The following PTPRJ variants were observed in gnomAD, a reference collection of about 807,000 sequenced individuals.
The protein encoded by PTPRJ is protein tyrosine phosphatase receptor type J.
Under a neutral mutation model 141.3 loss-of-function variants are expected in PTPRJ, and 129 were observed. The observed-to-expected ratio is 0.91, with a 90% CI of 0.79 to 1.06. The LOEUF (loss-of-function observed/expected upper bound fraction) is 1.06. Ranked by LOEUF, PTPRJ falls within the 50% of genes least tolerant of loss-of-function variation. The probability of loss-of-function intolerance (pLI) is 0.00; values close to 1 mark genes in which losing one functional copy is unlikely to be tolerated. For missense variants in PTPRJ, 1,601 were observed against 1,679.7 expected (o/e 0.95, Z 0.82); for synonymous variants, 610 against 640.5 (o/e 0.95, Z 0.72).
intron 1 of PTPRJ, among the ~76,000 whole-genome samples, chr11:48,007,978 C>G (rs1029475339): frequency 1.3e-5 from 2 of 152,330 alleles, no homozygotes; most frequent in Admixed American, 1.3e-4. Context: ...GTTCTTTCTG[C>G]CCCCTTCTTC....
intron 1 of PTPRJ, among the ~76,000 whole-genome samples, chr11:48,103,534 A>G (rs1856207301): frequency 6.6e-6 from 1 of 152,234 alleles, no homozygotes; most frequent in Admixed American, 6.5e-5. Context: ...CATTTGCCCA[A>G]ATAGTGAATC....
chr11:48,066,124 G>A (rs1225136653), intron 1 of PTPRJ, among the ~76,000 whole-genome samples: 2 of 152,032 alleles, frequency 1.3e-5, no homozygotes, highest in Non-Finnish European at 2.9e-5. Flanking sequence ...CTCTAGCCTG[G>A]GTGGCAGAGT....
chr11:48,004,568 A>G (rs575981787), intron 1 of PTPRJ, among the ~76,000 whole-genome samples: 29 of 152,270 alleles, frequency 1.9e-4, no homozygotes, highest in Admixed American at 1.6e-3. Flanking sequence ...TAGGCAGTGC[A>G]GGCCTCAAAG....
At chr11:48,005,144 C>T (rs955107680) in intron 1 of PTPRJ, among the ~76,000 whole-genome samples, 1 of 152,072 alleles carries the variant, frequency 6.6e-6, no homozygotes, top group East Asian at 1.9e-4. Flanking sequence ...ATCACTTGAA[C>T]CTGGGAGGTG....
At chr11:48,137,941 G>T (rs1436953499) in intron 10 of PTPRJ, among the ~76,000 whole-genome samples, 1 of 152,348 alleles carries the variant, frequency 6.6e-6, no homozygotes, top group East Asian at 1.9e-4. Flanking sequence ...AGAGCCCTCT[G>T]TGTAATTGAG....
At chr11:48,093,943 G>C (rs376946876) in intron 1 of PTPRJ, among the ~76,000 whole-genome samples, 5 of 152,296 alleles carry the variant, frequency 3.3e-5, no homozygotes, top group African/African-American at 1.2e-4. Context: ...GATTGTGGTT[G>C]GAGAAAGCCC....
intron 3 of PTPRJ, among the ~76,000 whole-genome samples, chr11:48,114,677 C>T (rs764610476): frequency 7.2e-5 from 11 of 151,948 alleles, no homozygotes; most frequent in Non-Finnish European, 1.2e-4. Flanking sequence ...ATCAGGGAAA[C>T]GTGATATTAC....
At chr11:48,059,761 A>G (rs1259322270) in intron 1 of PTPRJ, among the ~76,000 whole-genome samples, 1 of 152,174 alleles carries the variant, frequency 6.6e-6, no homozygotes. Flanking sequence ...TGAGGTAGCT[A>G]CTGTTAGTTA....
At chr11:48,121,768 C>A (rs1379202061) in intron 4 of PTPRJ, among the ~76,000 whole-genome samples, 1 of 151,896 alleles carries the variant, frequency 6.6e-6, no homozygotes, top group African/African-American at 2.4e-5. Context: ...ATGTCAATAC[C>A]GAAGCCATCT....
At chr11:47,995,578 G>A (rs1253807619) in intron 1 of PTPRJ, among the ~76,000 whole-genome samples, 1 of 152,178 alleles carries the variant, frequency 6.6e-6, no homozygotes, top group Non-Finnish European at 1.5e-5. Context: ...TCTTTGTCTT[G>A]GATTTTAGAT....
chr11:48,165,885 G>A (rs946934820), intron 24 of PTPRJ, among the ~76,000 whole-genome samples: 2 of 149,160 alleles, frequency 1.3e-5, no homozygotes, highest in African/African-American at 5.0e-5. Flanking sequence ...TTTTTGAGAC[G>A]GAGACTTGCT....
intron 1 of PTPRJ, among the ~76,000 whole-genome samples, chr11:48,024,723 T>C (rs906331159): frequency 1.3e-5 from 2 of 152,218 alleles, no homozygotes; most frequent in African/African-American, 4.8e-5. Context: ...GTAGAATGTA[T>C]GTGGATTGCT....
intron 1 of PTPRJ, among the ~76,000 whole-genome samples, chr11:48,095,281 G>A (rs1855974478): frequency 6.6e-6 from 1 of 152,226 alleles, no homozygotes; most frequent in African/African-American, 2.4e-5. Context: ...AGATGGCAAA[G>A]AAAGATGGAC....
intron 7 of PTPRJ, 31 bp downstream of exon 7, chr11:48,128,074 T>C (rs779194081): frequency 6.3e-7 from 1 of 1,595,404 alleles, no homozygotes; most frequent in Admixed American, 1.7e-5. Context: ...CACCACCCTT[T>C]CCTGCTGTCC....
intron 1 of PTPRJ, among the ~76,000 whole-genome samples, chr11:47,981,467 G>A (rs938109089): frequency 3.3e-5 from 5 of 152,186 alleles, no homozygotes; most frequent in Non-Finnish European, 7.4e-5. Context: ...GGCGGCGGGG[G>A]CGACAGGGCA....
At chr11:48,072,927 C>G (rs1369269290) in intron 1 of PTPRJ, among the ~76,000 whole-genome samples, 1 of 152,110 alleles carries the variant, frequency 6.6e-6, no homozygotes, top group Non-Finnish European at 1.5e-5. Context: ...AAAAAATATG[C>G]AGGTCAATTT....
At chr11:48,116,884 A>G (rs61915883) in intron 3 of PTPRJ, among the ~76,000 whole-genome samples, 4,659 of 152,358 alleles carry the variant, frequency 0.031, 106 homozygotes, top group Non-Finnish European at 0.046. Flanking sequence ...TCACTTCTTA[A>G]GCAATTTTGT....
At chr11:48,069,404 C>A (rs927576431) in intron 1 of PTPRJ, among the ~76,000 whole-genome samples, 3 of 148,050 alleles carry the variant, frequency 2.0e-5, no homozygotes, top group South Asian at 2.1e-4. Flanking sequence ...TGGCCCAAAT[C>A]TTCTCAGTTC....
intron 3 of PTPRJ, among the ~76,000 whole-genome samples, chr11:48,117,651 T>C (rs1856604561): frequency 7.1e-6 from 1 of 140,494 alleles, no homozygotes; most frequent in African/African-American, 2.7e-5. Flanking sequence ...GTAAATAACC[T>C]AATGTAGCAC....
Sources: gnomAD v4.1 joint callset for allele counts (sites outside exome capture counted in the v4.1 genomes callset) on GRCh38, gnomAD v4.1.1 for gene constraint, MANE v1.5 for transcripts, NCBI Gene and HGNC (gene_info 2026-07-23, HGNC 2026-07-21) for gene names.